Variants in TMEM182 observed in about 807,000 individuals in gnomAD.
TMEM182 encodes transmembrane protein 182.
In TMEM182, 20 loss-of-function variants were observed where a neutral mutation model predicts 26.8. The observed-to-expected ratio is 0.75, with a 90% CI of 0.53 to 1.09. The LOEUF is 1.09. Among genes scored for constraint, TMEM182 ranks in the 50% least tolerant of loss-of-function variants. TMEM182 has a pLI of 0.00. For synonymous variants in TMEM182, 109 were observed against 102.2 expected, an observed-to-expected ratio of 1.07 and a Z score of -0.40; for missense variants, 277 against 275.5, an observed-to-expected ratio of 1.01 and a Z score of -0.04.
chr2:102,832,383 C>T (rs1189085771), intron 3 of TMEM182, among the ~76,000 whole-genome samples: 1 of 152,220 alleles, frequency 6.6e-6, no homozygotes, highest in Non-Finnish European at 1.5e-5. Flanking sequence ...AAAGACCTCA[C>T]TCAGCTTAAT....
chr2:102,842,185 G>T lies in TMEM182; in HGVS notation c.326-1227G>T, dbSNP rs552106554. Among the ~76,000 whole-genome samples, 4 of 151,866 alleles carry T rather than the reference G, an allele frequency of 2.6e-5. No individual in the cohort carries two copies. The East Asian group carries it at 5.8e-4, about 22-fold the overall frequency. Reference sequence around the variant, plus strand: ...CTGCTCCCCCCTGCAATGACTACTCGCCATCTCTGCTCAGATGTCCTGCTA... The same window carrying T: ...CTGCTCCCCCCTGCAATGACTACTCTCCATCTCTGCTCAGATGTCCTGCTA... On this transcript the variant is annotated intron_variant, in intron 3 of 3. Coordinates refer to the TMEM182 transcript ENST00000486293.
intron 1 of TMEM182, among the ~76,000 whole-genome samples, chr2:102,744,562 A>G (rs1329822634): frequency 1.3e-5 from 2 of 152,130 alleles, no homozygotes; most frequent in South Asian, 2.1e-4. Context: ...TTCTTTCTGA[A>G]GAAATTCTTT....
At chr2:102,775,748 GACAA>G (rs1444238997) in intron 3 of TMEM182, among the ~76,000 whole-genome samples, 6 of 152,056 alleles carry the variant, frequency 3.9e-5, no homozygotes, top group Admixed American at 2.0e-4. Context: ...ACCAACAACA[GACAA>G]ACAGAGAGCC....
chr2:102,812,165 G>T (rs369218681), intron 4 of TMEM182, among the ~76,000 whole-genome samples: 34 of 152,042 alleles, frequency 2.2e-4, no homozygotes, highest in African/African-American at 8.2e-4. Flanking sequence ...TTTCAAATTT[G>T]TAACTATTTC....
downstream of TMEM182, among the ~76,000 whole-genome samples, chr2:102,817,845 T>TAA (rs35715047): frequency 1.3e-5 from 2 of 151,528 alleles, no homozygotes; most frequent in East Asian, 3.9e-4. Context: ...CTAAGCAAGT[T>TAA]AAAAAAAAAT....
intron 4 of TMEM182, among the ~76,000 whole-genome samples, chr2:102,802,316 C>A (rs2104737362): frequency 6.6e-6 from 1 of 152,242 alleles, no homozygotes; most frequent in South Asian, 2.1e-4. Flanking sequence ...ATGGTGTTCC[C>A]TTTGCTGGGT....
At chr2:102,830,230 G>T (rs1156713805) in intron 3 of TMEM182, among the ~76,000 whole-genome samples, 1 of 152,170 alleles carries the variant, frequency 6.6e-6, no homozygotes, top group Non-Finnish European at 1.5e-5. Flanking sequence ...CAGACTTAAT[G>T]AACAATCAAG....
At chr2:102,786,196 G>T (rs189851820) in intron 3 of TMEM182, among the ~76,000 whole-genome samples, 34 of 145,918 alleles carry the variant, frequency 2.3e-4, no homozygotes, top group Admixed American at 1.1e-3. Context: ...AGATTACATA[G>T]CACTCAGCAA....
At chr2:102,793,311 G>A (rs1681727931) in intron 3 of TMEM182, among the ~76,000 whole-genome samples, 1 of 152,182 alleles carries the variant, frequency 6.6e-6, no homozygotes, top group South Asian at 2.1e-4. Context: ...ATGGAACATG[G>A]CCACTACCTT....
intron 3 of TMEM182, among the ~76,000 whole-genome samples, chr2:102,826,587 A>G (rs1271677421): frequency 1.3e-5 from 2 of 152,118 alleles, no homozygotes; most frequent in Non-Finnish European, 2.9e-5. Flanking sequence ...TACTATTATT[A>G]TTATTCTAGT....
At chr2:102,781,380 T>C (rs1681159852) in intron 3 of TMEM182, among the ~76,000 whole-genome samples, 1 of 152,184 alleles carries the variant, frequency 6.6e-6, no homozygotes, top group Non-Finnish European at 1.5e-5. Context: ...TTTGAACATG[T>C]TACATTTAAG....
At chr2:102,801,230 T>C (rs1682115558) in intron 4 of TMEM182, among the ~76,000 whole-genome samples, 1 of 152,106 alleles carries the variant, frequency 6.6e-6, no homozygotes, top group Non-Finnish European at 1.5e-5. Context: ...ATAATTTCCT[T>C]TGTGGCACTG....
chr2:102,740,056 T>C (rs1679499906), intron 1 of TMEM182, among the ~76,000 whole-genome samples: 1 of 152,068 alleles, frequency 6.6e-6, no homozygotes, highest in South Asian at 2.1e-4. Flanking sequence ...TGGGAAAAAT[T>C]TCAAAATAAA....
intron 3 of TMEM182, among the ~76,000 whole-genome samples, chr2:102,773,665 A>C (rs1680778403): frequency 6.6e-6 from 1 of 152,074 alleles, no homozygotes; most frequent in Non-Finnish European, 1.5e-5. Flanking sequence ...GGGGGAACTA[A>C]TGAATGCTTC....
chr2:102,759,296 A>G (rs1680139731), upstream of TMEM182, among the ~76,000 whole-genome samples: 1 of 152,212 alleles, frequency 6.6e-6, no homozygotes, highest in Non-Finnish European at 1.5e-5. Context: ...TGTCACCTAC[A>G]ACCACAACTG....
chr2:102,737,541 T>C (rs1398083728), intron 1 of TMEM182, among the ~76,000 whole-genome samples: 1 of 152,170 alleles, frequency 6.6e-6, no homozygotes, highest in Admixed American at 6.5e-5. Context: ...AGTGAGCTAC[T>C]TTAGAAAAGC....
In TMEM182 at chr2:102,839,893, A is replaced by G. The variant is rs985616094; in HGVS notation, c.326-3519A>G. On this transcript the variant is annotated intron_variant, in intron 3 of 3. Transcript: ENST00000486293. ...TCCCTGATTGATTTTCTGGCAGCCA[A>G]TACAGGAGAATGAGTCATAAGGTTA... Among the ~76,000 whole-genome samples the G allele has an allele frequency of 3.9e-5, 6 of 152,346 alleles. No homozygotes were observed. In the South Asian group the frequency reaches 1.2e-3, roughly 32 times the overall value.
chr2:102,828,298 G>T (rs1276176611), intron 3 of TMEM182, among the ~76,000 whole-genome samples: 1 of 152,112 alleles, frequency 6.6e-6, no homozygotes, highest in Non-Finnish European at 1.5e-5. Flanking sequence ...CCCTGTCAGA[G>T]CAAACTGATA....
intron 1 of TMEM182, among the ~76,000 whole-genome samples, chr2:102,747,211 A>G (rs1679726787): frequency 6.6e-6 from 1 of 152,152 alleles, no homozygotes; most frequent in East Asian, 1.9e-4. Context: ...TGAGATGTAT[A>G]CATATTTTCA....
Sources: allele counts gnomAD v4.1 joint callset (sites outside exome capture counted in the v4.1 genomes callset), GRCh38; gene constraint gnomAD v4.1.1; transcripts MANE v1.5; gene names NCBI Gene and HGNC (gene_info 2026-07-23, HGNC 2026-07-21).